Variants in SF3B1 observed in about 807,000 individuals in gnomAD.
SF3B1 encodes splicing factor 3b subunit 1, also known as pre-mRNA processing 10.
In SF3B1, 12 loss-of-function variants were observed where a neutral mutation model predicts 153.8. The ratio of observed to expected loss-of-function variants is 0.08; its 90% CI spans 0.05 to 0.13. The LOEUF (loss-of-function observed/expected upper bound fraction) is 0.13, where lower values mean the gene tolerates loss of function less well. SF3B1 is among the 10% of genes least tolerant of loss of function. The probability of loss-of-function intolerance (pLI) is 1.00; values close to 1 mark genes in which losing one functional copy is unlikely to be tolerated. For synonymous variants in SF3B1, 498 were observed against 525.2 expected (o/e 0.95, Z 0.71); for missense variants, 513 against 1,606.1 (o/e 0.32, Z 11.63).
chr2:197,401,907 T>C lies in SF3B1; in HGVS notation c.2224-19A>G, dbSNP rs372222152. ...CCAAACCCTATTTTTAAATAAAAAA[T>C]ATATGTACTTTAGTAATTTAGATTT... On this transcript the variant is annotated intron_variant, in intron 15 of 24. Transcript: ENST00000335508. The surrounding 1 kb of genome is among the most constrained non-coding windows in gnomAD (Gnocchi z 4.2). 4 of 1,584,792 alleles carry C rather than the reference T, an allele frequency of 2.5e-6. No individual in the cohort carries two copies. Among genetic ancestry groups the C allele is most frequent in the Non-Finnish European group, 3.4e-6 (4 of 1,170,058 alleles).
At chr2:197,418,443 GTC>G in intron 5 of SF3B1, 64 bp downstream of exon 5, 2 of 1,196,082 alleles carry the variant, frequency 1.7e-6, no homozygotes, top group Non-Finnish European at 2.4e-6. Flanking sequence ...AAACCTAACA[GTC>G]TCTCAATCAC....
chr2:197,424,651 C>G (rs1432194634), intron 1 of SF3B1, among the ~76,000 whole-genome samples: 1 of 152,162 alleles, frequency 6.6e-6, no homozygotes, highest in Non-Finnish European at 1.5e-5. Context: ...ACTCTTTGCT[C>G]TTCTTTAAAT....
At chr2:197,425,891 T>C (rs990746062) in intron 1 of SF3B1, among the ~76,000 whole-genome samples, 1 of 151,838 alleles carries the variant, frequency 6.6e-6, no homozygotes, top group Admixed American at 6.6e-5. Context: ...CCCTGCCACT[T>C]AGGGGGCTCA....
chr2:197,410,043 A>G, intron 6 of SF3B1, 36 bp from the exon 7 acceptor site: 1 of 1,338,570 alleles, frequency 7.5e-7, no homozygotes, highest in Non-Finnish European at 1.0e-6. Context: ...TCACACACCC[A>G]CACAGAAATA....
chr2:197,404,973 A>C, intron 11 of SF3B1, 103 bp downstream of exon 11: 1 of 754,984 alleles, frequency 1.3e-6, no homozygotes, highest in Non-Finnish European at 2.1e-6. Context: ...ACTTGAGACC[A>C]GCCTGGGCAA....
At chr2:197,434,831 CG>C (rs2085497404) in intron 1 of SF3B1, 140 bp downstream of exon 1, 2 of 834,072 alleles carry the variant, frequency 2.4e-6, no homozygotes, top group African/African-American at 3.4e-5. Context: ...GCGCCGCTGG[CG>C]CGGAGGAGAC....
At position 197,401,025 on chromosome 2, in the gene SF3B1, CTACT is replaced by C. The variant is rs1247952580; in HGVS notation, c.2497-93_2497-90del. 185 of 732,442 alleles carry C rather than the reference CTACT, an allele frequency of 2.5e-4. No homozygotes were observed. In the East Asian group the frequency reaches 4.9e-3, roughly 19 times the overall value. The allele number at this position is 732,442 out of a possible 1,614,324, so 45.4% of individuals were successfully genotyped here. A position where few individuals can be genotyped will look rare whatever the true frequency, so the allele number is the denominator to read the frequency against. On this transcript the variant is annotated intron_variant, in intron 17 of 24. Transcript: ENST00000335508. The surrounding 1 kb of genome is among the most constrained non-coding windows in gnomAD (Gnocchi z 4.2). ...ATGAAAACCAAATACTCTAAATATA[CTACT>C]TATTTAGCTAATAAACATGGTAAGA...
At chr2:197,433,131 A>T (rs2085467383) in intron 1 of SF3B1, among the ~76,000 whole-genome samples, 1 of 152,266 alleles carries the variant, frequency 6.6e-6, no homozygotes, top group Non-Finnish European at 1.5e-5. Flanking sequence ...ATTAGGAAGG[A>T]AGCAACAAGC....
Position 197,402,860 on chromosome 2 carries a change from T to C in SF3B1, c.1807-34A>G, listed in dbSNP as rs746754792. The stretch of plus-strand genomic sequence containing the variant: ...TAAACAAAGAAAGGACAGTCATGAG[T>C]TGGTAATATTAATCTTCAACCATTT... On this transcript the variant is annotated intron_variant, in intron 13 of 24. Coordinates refer to ENST00000335508, the MANE Select transcript of SF3B1 (RefSeq NM_012433.4). This position sits in a 1 kb window ranked among gnomAD's most constrained non-coding sequence, Gnocchi z 4.6. 2 of 1,612,096 alleles carry C rather than the reference T, an allele frequency of 1.2e-6. No homozygotes were observed. The highest frequency in any genetic ancestry group is 1.7e-6 in the Non-Finnish European group (2 of 1,178,814).
rs2084812639 is a variant in SF3B1 at position 197,391,802 on chromosome 2, CACA to C, written c.*498_*500del. The C allele has an allele frequency of 6.4e-6, 1 of 156,354 alleles. No individual in the cohort carries two copies. The highest frequency in any genetic ancestry group is 1.4e-5 in the Non-Finnish European group (1 of 70,458). The allele number at this position is 156,354 out of a possible 1,614,324, so 9.7% of individuals were successfully genotyped here. A position where few individuals can be genotyped will look rare whatever the true frequency, so the allele number is the denominator to read the frequency against. On this transcript the variant is annotated 3_prime_UTR_variant, in exon 25 of 25. Coordinates refer to ENST00000335508, the MANE Select transcript of SF3B1 (RefSeq NM_012433.4). ...CTACTCTTCTTGCTGTCATTATTAA[CACA>C]ACAATGGAATTTTGACAAAGATGCC...
At chr2:197,414,600 A>G (rs992272936) in intron 6 of SF3B1, among the ~76,000 whole-genome samples, 12 of 152,256 alleles carry the variant, frequency 7.9e-5, no homozygotes, top group East Asian at 3.8e-4. Flanking sequence ...AAATTTATCA[A>G]TTAGGGGCCA....
intron 6 of SF3B1, among the ~76,000 whole-genome samples, chr2:197,415,862 T>C (rs788022): frequency 0.71 from 107,664 of 151,966 alleles, 38,874 homozygotes; most frequent in Middle Eastern, 0.86. Context: ...TGCAGCGGCA[T>C]GATCATAGCT....
chr2:197,393,952 G>A (rs2084844824), intron 23 of SF3B1, among the ~76,000 whole-genome samples: 2 of 152,134 alleles, frequency 1.3e-5, no homozygotes, highest in Non-Finnish European at 2.9e-5. Flanking sequence ...GGGAGGCCGA[G>A]GCAGATGGAT....
chr2:197,428,150 C>G (rs1445581033), intron 1 of SF3B1, among the ~76,000 whole-genome samples: 3 of 151,960 alleles, frequency 2.0e-5, no homozygotes, highest in Admixed American at 6.6e-5. Flanking sequence ...CCTGTCTCTA[C>G]AAAAATTAGA....
intron 1 of SF3B1, among the ~76,000 whole-genome samples, chr2:197,430,486 A>C (rs1410430597): frequency 1.3e-5 from 2 of 152,052 alleles, no homozygotes; most frequent in Non-Finnish European, 1.5e-5. Context: ...ACAAAGTCTC[A>C]CTCTGTTGCC....
At chr2:197,429,465 GT>G (rs2085391424) in intron 1 of SF3B1, among the ~76,000 whole-genome samples, 1 of 152,022 alleles carries the variant, frequency 6.6e-6, no homozygotes, top group Non-Finnish European at 1.5e-5. Flanking sequence ...TTGTTTAGAG[GT>G]TTTTGTGTCA....
chr2:197,425,447 CAA>C (rs1043252521), intron 1 of SF3B1, among the ~76,000 whole-genome samples: 1 of 151,776 alleles, frequency 6.6e-6, no homozygotes, highest in Non-Finnish European at 1.5e-5. Flanking sequence ...GCCTGGGCGA[CAA>C]GAGCGAAACT....
At chr2:197,431,567 G>A (rs2085437884) in intron 1 of SF3B1, among the ~76,000 whole-genome samples, 1 of 152,186 alleles carries the variant, frequency 6.6e-6, no homozygotes, top group Non-Finnish European at 1.5e-5. Context: ...GCCCTCAGAT[G>A]TTAATGTCTC....
chr2:197,412,714 G>A (rs932279871), intron 6 of SF3B1, among the ~76,000 whole-genome samples: 6 of 151,342 alleles, frequency 4.0e-5, no homozygotes, highest in African/African-American at 1.5e-4. Context: ...GCCAGGCGCA[G>A]TGGCTCACAC....
Sources: allele counts gnomAD v4.1 joint callset (sites outside exome capture counted in the v4.1 genomes callset), GRCh38; gene constraint gnomAD v4.1.1; non-coding constraint Gnocchi (gnomAD v3.1); transcripts MANE v1.5; gene names NCBI Gene and HGNC (gene_info 2026-07-23, HGNC 2026-07-21).